CTNNA3: variants seen among roughly 807,000 people sequenced by gnomAD.
The protein encoded by CTNNA3 is catenin alpha-3.
A neutral mutation model predicts 95.7 loss-of-function variants in CTNNA3; 76 were observed. That is an observed-to-expected ratio of 0.79 (90% confidence interval 0.66 to 0.96). The LOEUF is 0.96. Among genes scored for constraint, CTNNA3 ranks in the 40% least tolerant of loss-of-function variants. The pLI is 0.00. For synonymous variants in CTNNA3, 431 were observed against 374.4 expected (o/e 1.15, Z -1.74); for missense variants, 1,191 against 1,089.8 (o/e 1.09, Z -1.31).
intron 11 of CTNNA3, among the ~76,000 whole-genome samples, chr10:66,512,617 G>C (rs10997210): frequency 6.6e-6 from 1 of 151,896 alleles, no homozygotes; most frequent in African/African-American, 2.4e-5. Flanking sequence ...ATCTGCTTTT[G>C]CTTAATTGAT....
intron 5 of CTNNA3, among the ~76,000 whole-genome samples, chr10:67,312,083 T>TG (rs1280225725): frequency 2.0e-5 from 3 of 151,310 alleles, no homozygotes; most frequent in Non-Finnish European, 4.4e-5. Flanking sequence ...TACTTTTTTT[T>TG]TTTTTTTGAG....
chr10:67,353,699 G>C (rs556400489), intron 5 of CTNNA3, among the ~76,000 whole-genome samples: 1 of 151,850 alleles, frequency 6.6e-6, no homozygotes, highest in Non-Finnish European at 1.5e-5. Flanking sequence ...TTGAGGTCAG[G>C]TACCATGATT....
rs61737718 is a variant in CTNNA3, at chr10:66,379,229, G to C, written c.1655C>G (p.Thr552Arg). ...TGGCTCGTAACTGTCCATTTCACCC[G>C]TGACGATGTGAGCAACTCTTGCTGC... Reference protein sequence around the residue: ...GRAARVAHIVTGEMDSYEPGA... With the variant: ...GRAARVAHIVRGEMDSYEPGA... The change falls in exon 12 of 18, where the codon ACG becomes AGG. Residue 552 changes from threonine (T) to arginine (R), a missense_variant. Coordinates refer to ENST00000433211, the MANE Select transcript of CTNNA3 (RefSeq NM_013266.4). 49 of 1,613,924 alleles carry C rather than the reference G, an allele frequency of 3.0e-5. No homozygotes were observed. In the Middle Eastern group the frequency reaches 4.9e-4, roughly 16 times the overall value.
chr10:65,962,998 C>T (rs1012562293), intron 17 of CTNNA3, among the ~76,000 whole-genome samples: 1 of 152,086 alleles, frequency 6.6e-6, no homozygotes, highest in African/African-American at 2.4e-5. Context: ...GCTATTGTGA[C>T]TAGTGCTGCA....
chr10:66,910,003 T>C (rs1458538532), intron 7 of CTNNA3, among the ~76,000 whole-genome samples: 1 of 152,186 alleles, frequency 6.6e-6, no homozygotes, highest in African/African-American at 2.4e-5. Context: ...TTTAATACTA[T>C]GCATTTATAT....
At chr10:67,266,756 A>G (rs1040246924) in intron 5 of CTNNA3, among the ~76,000 whole-genome samples, 1 of 152,200 alleles carries the variant, frequency 6.6e-6, no homozygotes, top group African/African-American at 2.4e-5. Context: ...CAGGGTGACT[A>G]CAGTCAAAAA....
chr10:65,928,492 T>A (rs2077201511), intron 17 of CTNNA3, among the ~76,000 whole-genome samples: 1 of 152,204 alleles, frequency 6.6e-6, no homozygotes, highest in Non-Finnish European at 1.5e-5. Flanking sequence ...ATGATCCATG[T>A]AGGTGGAGAC....
chr10:66,207,647 G>A (rs72797208), intron 13 of CTNNA3, among the ~76,000 whole-genome samples: 10,505 of 151,904 alleles, frequency 0.069, 412 homozygotes, highest in East Asian at 0.15. Context: ...AAACTGTTGC[G>A]TTTTACATTG....
intron 5 of CTNNA3, among the ~76,000 whole-genome samples, chr10:67,471,053 G>C (rs1847803580): frequency 6.6e-6 from 1 of 152,020 alleles, no homozygotes; most frequent in Admixed American, 6.6e-5. Context: ...TGGGGCTCAG[G>C]TGATCTTCCT....
chr10:66,669,620 T>C (rs1846586604), intron 9 of CTNNA3, among the ~76,000 whole-genome samples: 2 of 152,120 alleles, frequency 1.3e-5, no homozygotes, highest in South Asian at 2.1e-4. Context: ...AACTGCCATG[T>C]TTACCCACAG....
In CTNNA3 at chr10:66,588,125, G is replaced by A. The variant is rs374236265; in HGVS notation, c.1374+33567C>T. On this transcript the variant is annotated intron_variant, in intron 10 of 17. Transcript: ENST00000433211. ...TGCAGGCAATGTGCATCCTGATACC[G>A]CTTCTTCTCACCCCATCACTCGCTA... Among the ~76,000 whole-genome samples, 31 of 152,046 alleles carry A rather than the reference G, an allele frequency of 2.0e-4. No individual in the cohort carries two copies. In the East Asian group the frequency reaches 4.5e-3, roughly 22 times the overall value.
intron 12 of CTNNA3, among the ~76,000 whole-genome samples, chr10:66,332,609 T>C (rs983776369): frequency 3.3e-5 from 5 of 152,072 alleles, no homozygotes; most frequent in African/African-American, 1.2e-4. Flanking sequence ...CTTTTTGATG[T>C]GTTACTGTAT....
intron 15 of CTNNA3, among the ~76,000 whole-genome samples, chr10:66,018,491 G>A (rs1015298094): frequency 6.6e-6 from 1 of 151,924 alleles, no homozygotes; most frequent in African/African-American, 2.4e-5. Flanking sequence ...GGTTTTACAA[G>A]CACAATTATG....
At chr10:67,209,781 G>GA (rs747465051) in intron 6 of CTNNA3, among the ~76,000 whole-genome samples, 5 of 148,996 alleles carry the variant, frequency 3.4e-5, no homozygotes, top group East Asian at 3.9e-4. Context: ...ATAAGGCAAA[G>GA]AAAAAAAAAC....
At chr10:65,971,245 C>T (rs1181965278) in intron 16 of CTNNA3, among the ~76,000 whole-genome samples, 1 of 151,542 alleles carries the variant, frequency 6.6e-6, no homozygotes, top group Non-Finnish European at 1.5e-5. Context: ...CACATCATGC[C>T]TAGAGGAGCA....
chr10:66,301,222 T>C (rs2132228715), intron 12 of CTNNA3, among the ~76,000 whole-genome samples: 1 of 152,086 alleles, frequency 6.6e-6, no homozygotes, highest in East Asian at 1.9e-4. Flanking sequence ...CCAGATAGAC[T>C]CACTGGTTAA....
chr10:67,051,746 G>A (rs1052701154), intron 7 of CTNNA3, among the ~76,000 whole-genome samples: 1 of 108,780 alleles, frequency 9.2e-6, no homozygotes, highest in Non-Finnish European at 1.9e-5. Context: ...ACACATTGTA[G>A]TCTATCCTAC....
intron 11 of CTNNA3, among the ~76,000 whole-genome samples, chr10:66,474,167 G>C (rs866801958): frequency 4.6e-5 from 7 of 151,978 alleles, no homozygotes; most frequent in African/African-American, 1.7e-4. Context: ...AAGTTATTCT[G>C]TCTATCTAAC....
intron 4 of CTNNA3, among the ~76,000 whole-genome samples, chr10:67,522,391 G>A (rs928732519): frequency 5.9e-5 from 9 of 152,058 alleles, no homozygotes; most frequent in African/African-American, 1.9e-4. Context: ...TTGCTTACAC[G>A]ATATTTTGCT....
Sources: gnomAD v4.1 joint callset for allele counts (sites outside exome capture counted in the v4.1 genomes callset) on GRCh38, gnomAD v4.1.1 for gene constraint, MANE v1.5 for transcripts, NCBI Gene and HGNC (gene_info 2026-07-23, HGNC 2026-07-21) for gene names.